The following PPM1F variants were observed in gnomAD, a reference collection of about 807,000 sequenced individuals.
The protein encoded by PPM1F is protein phosphatase, Mg2+/Mn2+ dependent 1F.
In PPM1F, 17 loss-of-function variants were observed where a neutral mutation model predicts 35.5. The observed-to-expected ratio is 0.48, with a 90% CI of 0.33 to 0.72. The LOEUF (loss-of-function observed/expected upper bound fraction) is 0.72. Ranked by LOEUF, PPM1F falls within the 30% of genes least tolerant of loss-of-function variation. The pLI is 0.02. For missense variants in PPM1F, 521 were observed against 613.0 expected (o/e 0.85, Z 1.59); for synonymous variants, 241 against 255.5 (o/e 0.94, Z 0.54).
At position 21,923,066 on chromosome 22, in the gene PPM1F, G is replaced by T. The variant is rs771622165; in HGVS notation, c.*26C>A. ...GAGAGAAGGACAAGGATGGGAGGAAGGGGAGGGCAGGGGCCTGGAAACCAC... is the reference window on the plus strand; with the variant it reads ...GAGAGAAGGACAAGGATGGGAGGAATGGGAGGGCAGGGGCCTGGAAACCAC... On this transcript the variant is annotated 3_prime_UTR_variant, in exon 8 of 8. Coordinates refer to ENST00000263212, the MANE Select transcript of PPM1F (RefSeq NM_014634.4). 31 of 1,566,936 alleles carry T rather than the reference G, an allele frequency of 2.0e-5. No homozygotes were observed. Among genetic ancestry groups the T allele is most frequent in the Non-Finnish European group, 2.6e-5 (30 of 1,158,456 alleles).
intron 6 of PPM1F, among the ~76,000 whole-genome samples, chr22:21,928,134 C>T (rs943354591): frequency 2.0e-5 from 3 of 151,886 alleles, no homozygotes; most frequent in African/African-American, 7.3e-5. Flanking sequence ...AAACCTCATC[C>T]TCTCCACCTG....
At chr22:21,951,933 C>G (rs1420558458) in intron 1 of PPM1F, 1 of 152,264 alleles carries the variant, frequency 6.6e-6, no homozygotes, top group Non-Finnish European at 1.5e-5. Context: ...ACAGAAGAGA[C>G]TGGAGATGGC....
At chr22:21,944,619 C>T (rs1372917839) in intron 2 of PPM1F, 4 of 152,186 alleles carry the variant, frequency 2.6e-5, no homozygotes, top group African/African-American at 4.8e-5. Flanking sequence ...AGAAACAGCA[C>T]GCGGCCCACC....
At position 21,925,651 on chromosome 22, in the gene PPM1F, C is replaced by A. The variant is rs559570000; in HGVS notation, c.903G>T (p.Ala301=). 9.4e-6 allele frequency: 15 copies of A among 1,589,100 alleles called. No individual in the cohort carries two copies. The highest frequency in any genetic ancestry group is 1.3e-5 in the Non-Finnish European group (15 of 1,163,066). Residue 301 remains alanine (A), a synonymous_variant, in exon 7 of 8, where the codon GCG becomes GCT. Coordinates refer to ENST00000263212, the MANE Select transcript of PPM1F (RefSeq NM_014634.4). The part of the protein sequence containing the change: ...PHRPERQDEK[A]RIEALGGFVS... ...CAAAGCCACCCAATGCTTCAATGCG[C>A]GCCTTCTCATCCTGCAGAAACACAG...
In PPM1F at chr22:21,938,393, G is replaced by A. The variant is rs537202543; in HGVS notation, c.355+1139C>T. ...GTGGACAGCTGTCTCCCAGGCTAAG[G>A]CAAGGCTGCGCTCCCAGGGAATGCG... On this transcript the variant is annotated intron_variant, in intron 3 of 7. Transcript: ENST00000263212. The A allele has an allele frequency of 8.6e-6, 10 of 1,159,264 alleles. No homozygotes were observed. In the Admixed American group the frequency reaches 1.6e-4, roughly 19 times the overall value. The allele number at this position is 1,159,264 out of a possible 1,614,324, so 71.8% of individuals were successfully genotyped here.
intron 6 of PPM1F, 79 bp from the exon 7 acceptor site, chr22:21,925,741 C>T (rs2070506655): frequency 8.5e-7 from 1 of 1,173,628 alleles, no homozygotes; most frequent in Admixed American, 2.5e-5. Context: ...TGAGCAGAGG[C>T]ACAGCTGCTT....
At chr22:21,926,224 T>C (rs944909755) in intron 6 of PPM1F, among the ~76,000 whole-genome samples, 1 of 150,416 alleles carries the variant, frequency 6.6e-6, no homozygotes, top group Non-Finnish European at 1.5e-5. Flanking sequence ...CTCTGCCTCC[T>C]GGGTTCAAGT....
intron 6 of PPM1F, among the ~76,000 whole-genome samples, chr22:21,930,139 CTG>C (rs1468638713): frequency 6.6e-6 from 1 of 152,220 alleles, no homozygotes; most frequent in Admixed American, 6.5e-5. Context: ...CAAACTCACT[CTG>C]TAACAGAAAA....
At chr22:21,932,369 G>A (rs2070602523) in intron 5 of PPM1F, among the ~76,000 whole-genome samples, 1 of 152,188 alleles carries the variant, frequency 6.6e-6, no homozygotes, top group African/African-American at 2.4e-5. Context: ...GTGGAGGCTT[G>A]CCTGCTTTTC....
At chr22:21,927,258 A>G (rs2145792587) in intron 6 of PPM1F, among the ~76,000 whole-genome samples, 1 of 152,332 alleles carries the variant, frequency 6.6e-6, no homozygotes, top group African/African-American at 2.4e-5. Context: ...GGGGAGAGGC[A>G]GGTGGATGAA....
chr22:21,924,226 C>T (rs2070482923), intron 7 of PPM1F, among the ~76,000 whole-genome samples: 1 of 151,330 alleles, frequency 6.6e-6, no homozygotes, highest in South Asian at 2.1e-4. Flanking sequence ...TGAGACCCGG[C>T]ACTGACCGCA....
rs912139933 is a variant in PPM1F, at chr22:21,920,411, T to G, written c.*2681A>C. On this transcript the variant is annotated 3_prime_UTR_variant, in exon 8 of 8. Transcript: ENST00000263212. Reference sequence around the variant, plus strand: ...GACCAGTGTCCCTGGCTAGGGGCCCTCATGGGACTGTGGCTGGAAGAGAAG... The same window carrying G: ...GACCAGTGTCCCTGGCTAGGGGCCCGCATGGGACTGTGGCTGGAAGAGAAG... The G allele has an allele frequency of 1.3e-5, 2 of 152,668 alleles. No individual in the cohort carries two copies. Among genetic ancestry groups the G allele is most frequent in the Non-Finnish European group, 2.9e-5 (2 of 68,140 alleles). The allele number at this position is 152,668 out of a possible 1,614,324, so 9.5% of individuals were successfully genotyped here.
chr22:21,938,423 G>C, intron 3 of PPM1F: 1 of 1,158,374 alleles, frequency 8.6e-7, no homozygotes, highest in Non-Finnish European at 1.1e-6. Context: ...AATGCGGGCA[G>C]GGAGCCAGGG....
rs1828352148 is a variant in PPM1F at position 21,922,444 on chromosome 22, G to T, written c.*648C>A. On this transcript the variant is annotated 3_prime_UTR_variant, in exon 8 of 8. Transcript: ENST00000263212. ...AGACACATGTGCGTCGCCGGTTCCG[G>T]GCTCAGGGAAGAGAGCAGCCCGGAA... The T allele has an allele frequency of 6.6e-6, 1 of 152,406 alleles. No individual in the cohort carries two copies. The highest frequency in any genetic ancestry group is 1.5e-5 in the Non-Finnish European group (1 of 68,060). The allele number at this position is 152,406 out of a possible 1,614,324, so 9.4% of individuals were successfully genotyped here. A position where few individuals can be genotyped will look rare whatever the true frequency, so the allele number is the denominator to read the frequency against.
intron 1 of PPM1F, chr22:21,946,485 C>G (rs2070778738): frequency 6.4e-6 from 1 of 156,740 alleles, no homozygotes; most frequent in African/African-American, 2.4e-5. Flanking sequence ...CAGGAGGGCT[C>G]TGAGGTGAGG....
intron 3 of PPM1F, 95 bp from the exon 4 acceptor site, chr22:21,934,321 GC>G: frequency 2.9e-6 from 3 of 1,034,210 alleles, no homozygotes; most frequent in Non-Finnish European, 2.8e-6. Flanking sequence ...GGCCTGCAAA[GC>G]CCCCATCACC....
chr22:21,932,714 T>C (rs1157295059), intron 5 of PPM1F: 1 of 152,240 alleles, frequency 6.6e-6, no homozygotes, highest in Non-Finnish European at 1.5e-5. Flanking sequence ...TCCCTGCACA[T>C]GGCTATAACT....
intron 5 of PPM1F, chr22:21,932,652 G>C (rs760189085): frequency 1.3e-5 from 2 of 152,222 alleles, no homozygotes; most frequent in East Asian, 3.8e-4. Flanking sequence ...AGTTCACAGA[G>C]GAGGGGCCTG....
In PPM1F at chr22:21,952,778, C is replaced by A. The variant is rs553325169; in HGVS notation, c.-61+14G>T. The A allele has an allele frequency of 6.6e-6, 1 of 152,394 alleles. No individual in the cohort carries two copies. The highest frequency in any genetic ancestry group is 1.5e-5 in the Non-Finnish European group (1 of 68,236). 9.4% of individuals were successfully genotyped at this position (152,394 alleles called of 1,614,324 possible). On this transcript the variant is annotated intron_variant, in intron 1 of 7. Coordinates refer to ENST00000263212, the MANE Select transcript of PPM1F (RefSeq NM_014634.4). ...CCGTCAGCCCTCTAATCCCGTCCCC[C>A]CCGGCCTCCTCACCCCTGGTCTCCG...
Sources: gnomAD v4.1 joint callset for allele counts (sites outside exome capture counted in the v4.1 genomes callset) on GRCh38, gnomAD v4.1.1 for gene constraint, MANE v1.5 for transcripts, NCBI Gene and HGNC (gene_info 2026-07-23, HGNC 2026-07-21) for gene names.